The following FBXL5 variants were observed in gnomAD, a reference collection of about 807,000 sequenced individuals.
FBXL5 encodes the protein F-box and leucine rich repeat protein 5.
A neutral mutation model predicts 78.3 loss-of-function variants in FBXL5; 26 were observed. The observed-to-expected ratio is 0.33, with a 90% CI of 0.24 to 0.46. The LOEUF (loss-of-function observed/expected upper bound fraction) is 0.46. Ranked by LOEUF, FBXL5 falls within the 20% of genes least tolerant of loss-of-function variation. FBXL5 has a pLI of 1.00. For synonymous variants in FBXL5, 295 were observed against 282.5 expected (o/e 1.04, Z -0.45); for missense variants, 710 against 829.2 (o/e 0.86, Z 1.77).
At chr4:15,635,148 A>G (rs1714114382) in intron 5 of FBXL5, among the ~76,000 whole-genome samples, 1 of 152,070 alleles carries the variant, frequency 6.6e-6, no homozygotes, top group African/African-American at 2.4e-5. Context: ...CCTGACCAAC[A>G]TGGTGAAACC....
At chr4:15,662,766 A>T (rs935565667), upstream of FBXL5, among the ~76,000 whole-genome samples, 1 of 152,230 alleles carries the variant, frequency 6.6e-6, no homozygotes, top group African/African-American at 2.4e-5. Flanking sequence ...ATACTATAGT[A>T]AGATGTAATT....
intron 1 of FBXL5, 140 bp downstream of exon 1, chr4:15,655,064 C>T (rs2148733625): frequency 3.7e-6 from 2 of 539,938 alleles, no homozygotes; most frequent in South Asian, 8.7e-5. Context: ...GCGGGCGGCG[C>T]TGACAGCTGC....
chr4:15,617,423 C>T (rs1712009471), intron 9 of FBXL5, among the ~76,000 whole-genome samples: 1 of 151,804 alleles, frequency 6.6e-6, no homozygotes. Flanking sequence ...CGGCATGAGC[C>T]TGTAGTCCCA....
intron 1 of FBXL5, among the ~76,000 whole-genome samples, chr4:15,673,166 G>A (rs1717835068): frequency 6.6e-6 from 1 of 152,168 alleles, no homozygotes; most frequent in Non-Finnish European, 1.5e-5. Context: ...AATAGGGCAG[G>A]TGCAATGGCT....
chr4:15,640,931 A>C (rs1256693787), intron 2 of FBXL5, 48 bp from the exon 3 acceptor site: 2 of 1,040,946 alleles, frequency 1.9e-6, no homozygotes, highest in Non-Finnish European at 2.8e-6. Flanking sequence ...TCGCTTCATT[A>C]ATTATGTCTG....
intron 6 of FBXL5, 54 bp downstream of exon 6, chr4:15,630,612 T>C: frequency 7.0e-7 from 1 of 1,435,796 alleles, no homozygotes; most frequent in Non-Finnish European, 9.2e-7. Flanking sequence ...TATAAGTACT[T>C]AATTATCAAT....
At chr4:15,662,915 T>C (rs1164664645), upstream of FBXL5, among the ~76,000 whole-genome samples, 1 of 152,226 alleles carries the variant, frequency 6.6e-6, no homozygotes, top group Non-Finnish European at 1.5e-5. Context: ...TTTGTCAGAA[T>C]AATCTTTCTG....
At position 15,636,573 on chromosome 4, in the gene FBXL5, A is replaced by C. The variant is rs1446784793; in HGVS notation, c.687T>G (p.Ser229Arg). 1.2e-6 allele frequency: 2 copies of C among 1,614,022 alleles called. No homozygotes were observed. The highest frequency in any genetic ancestry group is 1.7e-6 in the Non-Finnish European group (2 of 1,179,960). Reference protein sequence around the residue: ...YLNPQELCRCSQVSMKWSQLT... With the variant: ...YLNPQELCRCRQVSMKWSQLT... ...GCTGAGACCATTTCATGCTTACTTG[A>C]CTGCATCGACATAACTCTTGAGGAT... The change falls in exon 5 of 11, where the codon AGT becomes AGG. Residue 229 changes from serine (S) to arginine (R), a missense_variant. Around this residue, in one of 4 missense-constraint regions of FBXL5, gnomAD observed 517 missense variants for 542.9 expected, o/e 0.95. Coordinates refer to ENST00000341285, the MANE Select transcript of FBXL5 (RefSeq NM_012161.4).
intron 9 of FBXL5, among the ~76,000 whole-genome samples, chr4:15,618,183 T>C (rs1383401165): frequency 6.6e-6 from 1 of 152,086 alleles, no homozygotes; most frequent in Admixed American, 6.5e-5. Context: ...AAGACACAAA[T>C]TACCAAAGTC....
At chr4:15,635,241 G>A (rs921975223) in intron 5 of FBXL5, among the ~76,000 whole-genome samples, 2 of 151,620 alleles carry the variant, frequency 1.3e-5, no homozygotes, top group African/African-American at 2.4e-5. Context: ...GCTGAGGCAG[G>A]AGAATCGCTT....
chr4:15,651,607 A>G (rs1648902546), intron 1 of FBXL5, among the ~76,000 whole-genome samples: 1 of 152,184 alleles, frequency 6.6e-6, no homozygotes, highest in Non-Finnish European at 1.5e-5. Context: ...GAAAACTGAC[A>G]ATAAAGCTAT....
At chr4:15,664,017 A>C (rs1717425794), upstream of FBXL5, among the ~76,000 whole-genome samples, 1 of 152,206 alleles carries the variant, frequency 6.6e-6, no homozygotes, top group East Asian at 1.9e-4. Flanking sequence ...TGAAAAACTT[A>C]AAGAAGCTAC....
rs1181835856 is a variant in FBXL5, at chr4:15,606,330, G to A, written c.2000-531C>T. ...TTGTAGCCAAAAATATCTATATATG[G>A]TAGGGTTAGATGAAATTATTTTCCA... On this transcript the variant is annotated intron_variant, in intron 10 of 10. Transcript: ENST00000341285. Among the ~76,000 whole-genome samples, 3 of 151,964 alleles carry A rather than the reference G, an allele frequency of 2.0e-5. No individual in the cohort carries two copies. The East Asian group carries it at 5.8e-4, about 29-fold the overall frequency.
chr4:15,640,543 G>C (rs1270094738), intron 3 of FBXL5, among the ~76,000 whole-genome samples: 1 of 151,618 alleles, frequency 6.6e-6, no homozygotes, highest in South Asian at 2.1e-4. Flanking sequence ...TTACAAAAAA[G>C]AAAATTAATA....
At chr4:15,626,043 C>T (rs1009631071) in intron 8 of FBXL5, 66 bp from the exon 9 acceptor site, 1 of 1,373,476 alleles carries the variant, frequency 7.3e-7, no homozygotes, top group Non-Finnish European at 9.7e-7. Flanking sequence ...TGACTATATG[C>T]ATGTAGATGA....
At chr4:15,644,359 C>T (rs1715169859) in intron 2 of FBXL5, 134 bp downstream of exon 2, 2 of 708,902 alleles carry the variant, frequency 2.8e-6, no homozygotes, top group Non-Finnish European at 2.3e-6. Flanking sequence ...GTCTTCCTTG[C>T]CATCTTTAAC....
intron 1 of FBXL5, among the ~76,000 whole-genome samples, chr4:15,680,258 G>C (rs911181536): frequency 6.6e-6 from 1 of 152,172 alleles, no homozygotes; most frequent in African/African-American, 2.4e-5. Flanking sequence ...TACCCGTGAA[G>C]ACTATTAGGA....
chr4:15,657,639 G>A (rs901644576), upstream of FBXL5, among the ~76,000 whole-genome samples: 3 of 152,236 alleles, frequency 2.0e-5, no homozygotes, highest in African/African-American at 7.2e-5. Flanking sequence ...ATGAAAGAAA[G>A]TGATTTTAAA....
At chr4:15,649,331 G>T (rs1408114134) in intron 1 of FBXL5, among the ~76,000 whole-genome samples, 1 of 152,106 alleles carries the variant, frequency 6.6e-6, no homozygotes, top group Non-Finnish European at 1.5e-5. Flanking sequence ...TGTAATCCCA[G>T]CACTTTGGGA....
Sources: allele counts gnomAD v4.1 joint callset (sites outside exome capture counted in the v4.1 genomes callset), GRCh38; gene constraint gnomAD v4.1.1; regional missense constraint gnomAD v4.1.1; transcripts MANE v1.5; gene names NCBI Gene and HGNC (gene_info 2026-07-23, HGNC 2026-07-21).